The following ADARB2 variants were observed in gnomAD, a reference collection of about 807,000 sequenced individuals.
The protein encoded by ADARB2 is inactive double-stranded RNA-specific editase B2.
In ADARB2, 25 loss-of-function variants were observed where a neutral mutation model predicts 62.2. That is an observed-to-expected ratio of 0.40 (90% CI 0.29 to 0.56). The LOEUF (loss-of-function observed/expected upper bound fraction) is 0.56, where lower values mean the gene tolerates loss of function less well. Ranked by LOEUF, ADARB2 falls within the 20% of genes least tolerant of loss-of-function variation. ADARB2 has a pLI of 0.43. For missense variants in ADARB2, 1,071 were observed against 1,077.4 expected, an observed-to-expected ratio of 0.99 and a Z score of 0.08; for synonymous variants, 572 against 500.8, an observed-to-expected ratio of 1.14 and a Z score of -1.90.
chr10:1,597,237 A>C (rs1833347644), intron 1 of ADARB2, among the ~76,000 whole-genome samples: 1 of 151,972 alleles, frequency 6.6e-6, no homozygotes, highest in South Asian at 2.1e-4. Context: ...CTTTTGGGGG[A>C]GGGGGATATG....
chr10:1,229,533 T>C (rs1395762078), intron 6 of ADARB2, among the ~76,000 whole-genome samples: 1 of 152,256 alleles, frequency 6.6e-6, no homozygotes, highest in Non-Finnish European at 1.5e-5. Context: ...TCTTATGCCC[T>C]ACTCTGTGTT....
intron 4 of ADARB2, 34 bp from the exon 5 acceptor site, chr10:1,242,333 C>T (rs1412040701): frequency 6.6e-7 from 1 of 1,511,536 alleles, no homozygotes; most frequent in Non-Finnish European, 8.9e-7. Context: ...GCAGCGTGGC[C>T]CACGGCCCCC....
chr10:1,557,572 T>G (rs764396562), intron 1 of ADARB2, among the ~76,000 whole-genome samples: 2 of 152,184 alleles, frequency 1.3e-5, no homozygotes, highest in Non-Finnish European at 2.9e-5. Flanking sequence ...TTCACCTTCC[T>G]AATTCCGAGC....
chr10:1,513,283 T>A (rs947066150), intron 1 of ADARB2, among the ~76,000 whole-genome samples: 1 of 152,180 alleles, frequency 6.6e-6, no homozygotes, highest in Non-Finnish European at 1.5e-5. Flanking sequence ...CCATAGCCCA[T>A]ACATTAATGA....
Position 1,327,596 on chromosome 10 carries a change from A to C in ADARB2, c.1077+35432T>G, listed in dbSNP as rs868838446. Among the ~76,000 whole-genome samples, 58 of 55,674 alleles carry C rather than the reference A, an allele frequency of 1.0e-3. 3 individuals are homozygous for C. Among genetic ancestry groups the C allele is most frequent in the African/African-American group, 2.6e-3 (30 of 11,532 alleles). The allele number at this position is 55,674 out of a possible 152,430, so 36.5% of individuals were successfully genotyped here. ...TCACTGCACAGCGCCTCCTCACTGC[A>C]CAGCGCCTCCTCACTGCCCAGCGCC... On this transcript the variant is annotated intron_variant, in intron 3 of 9. Transcript: ENST00000381312.
At chr10:1,435,532 C>A (rs952930395) in intron 1 of ADARB2, among the ~76,000 whole-genome samples, 2 of 152,208 alleles carry the variant, frequency 1.3e-5, no homozygotes, top group Non-Finnish European at 2.9e-5. Context: ...GAGGGCGGAG[C>A]CTTCACAGCC....
chr10:1,519,563 G>C (rs746439650), intron 1 of ADARB2, among the ~76,000 whole-genome samples: 1 of 152,132 alleles, frequency 6.6e-6, no homozygotes, highest in Non-Finnish European at 1.5e-5. Context: ...CATCATCCCC[G>C]GTGCCCTACT....
intron 1 of ADARB2, among the ~76,000 whole-genome samples, chr10:1,581,113 T>C (rs914032103): frequency 2.6e-5 from 4 of 152,150 alleles, no homozygotes; most frequent in African/African-American, 9.7e-5. Flanking sequence ...GTGGTGAAAA[T>C]GTTTACGGCC....
intron 1 of ADARB2, among the ~76,000 whole-genome samples, chr10:1,662,028 C>A (rs2119089115): frequency 6.6e-6 from 1 of 152,224 alleles, no homozygotes; most frequent in Non-Finnish European, 1.5e-5. Flanking sequence ...GTGCATTGAG[C>A]CCAGGAGTCC....
rs557271946 is a variant in ADARB2, at chr10:1,297,517, G to GC, written c.1078-26449dup. 2.6e-4 allele frequency among the ~76,000 whole-genome samples: 40 copies of GC among 152,278 alleles called. No homozygotes were observed. In the East Asian group the frequency reaches 7.7e-3, roughly 29 times the overall value. On this transcript the variant is annotated intron_variant, in intron 3 of 9. Coordinates refer to ENST00000381312, the MANE Select transcript of ADARB2 (RefSeq NM_018702.4). ...GGGCCTTGTGGTTATAAGACCACTG[G>GC]CCGTTCAGACCCCGAAGAGCCCTCT...
chr10:1,642,705 A>G (rs10751810), intron 1 of ADARB2, among the ~76,000 whole-genome samples: 74,626 of 151,542 alleles, frequency 0.49, 20,537 homozygotes, highest in East Asian at 0.69. Context: ...ACACACTCAC[A>G]CACTCACACT....
At chr10:1,653,498 G>T (rs1428080957) in intron 1 of ADARB2, among the ~76,000 whole-genome samples, 1 of 151,908 alleles carries the variant, frequency 6.6e-6, no homozygotes, top group Non-Finnish European at 1.5e-5. Flanking sequence ...TCCACCCGAC[G>T]CCTTGTGTGC....
chr10:1,726,322 G>C (rs1473861564), intron 1 of ADARB2, among the ~76,000 whole-genome samples: 1 of 152,044 alleles, frequency 6.6e-6, no homozygotes, highest in East Asian at 1.9e-4. Flanking sequence ...ATGGTAGATA[G>C]TTGGATGATG....
At chr10:1,633,333 G>T (rs560917515) in intron 1 of ADARB2, among the ~76,000 whole-genome samples, 1 of 152,054 alleles carries the variant, frequency 6.6e-6, no homozygotes, top group African/African-American at 2.4e-5. Flanking sequence ...TCCAAAATCC[G>T]CAATGCTCCA....
At position 1,180,385 on chromosome 10, in the gene ADARB2, C is replaced by A. The variant is rs890557995; in HGVS notation, c.*2808G>T. The A allele has an allele frequency of 1.3e-5, 2 of 152,026 alleles. No homozygotes were observed. Among genetic ancestry groups the A allele is most frequent in the Non-Finnish European group, 2.9e-5 (2 of 67,976 alleles). The allele number at this position is 152,026 out of a possible 1,614,324, so 9.4% of individuals were successfully genotyped here. ...TGGGAATCCTGGGACTCGGCCCCCC[C>A]AAGCATAGCTGGGGCTGTGGGAATC... On this transcript the variant is annotated 3_prime_UTR_variant, in exon 10 of 10. Transcript: ENST00000381312.
intron 7 of ADARB2, among the ~76,000 whole-genome samples, chr10:1,208,000 C>T (rs1239034173): frequency 6.6e-6 from 1 of 152,138 alleles, no homozygotes; most frequent in Non-Finnish European, 1.5e-5. Context: ...ACTGTTAGGC[C>T]TGCGGTGTCC....
At chr10:1,561,088 ATT>A (rs1321197036) in intron 1 of ADARB2, among the ~76,000 whole-genome samples, 1 of 152,256 alleles carries the variant, frequency 6.6e-6, no homozygotes, top group East Asian at 1.9e-4. Context: ...AGTGAAACTA[ATT>A]TTAATAATAA....
intron 6 of ADARB2, among the ~76,000 whole-genome samples, chr10:1,231,975 C>T (rs1056184975): frequency 1.3e-5 from 2 of 152,190 alleles, no homozygotes; most frequent in Admixed American, 1.3e-4. Context: ...CAGGGCATAA[C>T]AAAAATGCTT....
At chr10:1,266,997 TAA>T (rs1343108772) in intron 4 of ADARB2, among the ~76,000 whole-genome samples, 3 of 151,662 alleles carry the variant, frequency 2.0e-5, no homozygotes, top group Non-Finnish European at 4.4e-5. Context: ...AGCAGAAAAT[TAA>T]TAGAGTGTTG....
Sources: allele counts gnomAD v4.1 joint callset (sites outside exome capture counted in the v4.1 genomes callset), GRCh38; gene constraint gnomAD v4.1.1; transcripts MANE v1.5; gene names NCBI Gene and HGNC (gene_info 2026-07-23, HGNC 2026-07-21).